KIF13A: variants seen among roughly 807,000 people sequenced by gnomAD.
The protein encoded by KIF13A is kinesin family member 13A.
KIF13A carries 79 observed loss-of-function variants against 212.2 expected under a neutral mutation model. The observed-to-expected ratio is 0.37, with a 90% CI of 0.31 to 0.45. The LOEUF (loss-of-function observed/expected upper bound fraction) is 0.45, where lower values mean the gene tolerates loss of function less well. Among genes scored for constraint, KIF13A ranks in the 20% least tolerant of loss-of-function variants. KIF13A has a pLI of 1.00. For synonymous variants in KIF13A, 789 were observed against 808.6 expected (o/e 0.98, Z 0.41); for missense variants, 1,901 against 2,209.0 (o/e 0.86, Z 2.79).
Position 17,886,003 on chromosome 6 carries a change from G to A in KIF13A, c.159+12165C>T, listed in dbSNP as rs1771508679. Among the ~76,000 whole-genome samples the A allele has an allele frequency of 6.6e-6, 1 of 152,188 alleles. No individual in the cohort carries two copies. The highest frequency in any genetic ancestry group is 2.1e-4 in the South Asian group (1 of 4,836). ...CTTCTTCAACAGCACATTCAAAGGT[G>A]ATGTGGATATTTTCAAACACAGAAT... is the stretch of plus-strand genomic sequence containing the variant. On this transcript the variant is annotated intron_variant, in intron 3 of 38. Coordinates refer to ENST00000259711, the MANE Select transcript of KIF13A (RefSeq NM_022113.6). This position sits in a 1 kb window ranked among gnomAD's most constrained non-coding sequence, Gnocchi z 5.6.
Position 17,775,008 on chromosome 6 carries a change from T to A in KIF13A, c.4218+7A>T, listed in dbSNP as rs376404952. On this transcript the variant is annotated splice_region_variant and intron_variant, in intron 35 of 38. Coordinates refer to ENST00000259711, the MANE Select transcript of KIF13A (RefSeq NM_022113.6). Reference sequence around the variant, plus strand: ...CTAAAAACCTAGCCATGCCCATAGGTGCATACCTTGTCATCTTCATCAAAG... The same window carrying A: ...CTAAAAACCTAGCCATGCCCATAGGAGCATACCTTGTCATCTTCATCAAAG... The A allele has an allele frequency of 2.3e-5, 37 of 1,608,146 alleles. No homozygotes were observed. In the African/African-American group the frequency reaches 4.9e-4, roughly 22 times the overall value.
intron 2 of KIF13A, among the ~76,000 whole-genome samples, chr6:17,942,205 G>C (rs2150556551): frequency 6.6e-6 from 1 of 152,112 alleles, no homozygotes; most frequent in Non-Finnish European, 1.5e-5. Flanking sequence ...GGGAGGCTGA[G>C]GTAGGAGGAT....
At chr6:17,765,020 T>G in intron 38 of KIF13A, 74 bp from the exon 39 acceptor site, 2 of 1,202,390 alleles carry the variant, frequency 1.7e-6, no homozygotes, top group East Asian at 5.0e-5. Flanking sequence ...TTTAAATACT[T>G]GGCTGTTAAA....
chr6:17,821,963 G>A (rs1764495863), intron 16 of KIF13A: 1 of 1,527,402 alleles, frequency 6.5e-7, no homozygotes, highest in African/African-American at 1.4e-5. Flanking sequence ...ATCAGCACTT[G>A]CATCAGAGAC....
intron 3 of KIF13A, among the ~76,000 whole-genome samples, chr6:17,874,350 T>G (rs1025309871): frequency 4.6e-5 from 7 of 152,008 alleles, no homozygotes; most frequent in African/African-American, 1.7e-4. Context: ...AAAGTAAAGA[T>G]GTGAAGCAAC....
At chr6:17,805,357 A>G in intron 19 of KIF13A, 118 bp downstream of exon 19, 1 of 864,842 alleles carries the variant, frequency 1.2e-6, no homozygotes, top group East Asian at 2.5e-5. Flanking sequence ...CTAACGTATC[A>G]TGAGCACATC....
rs11271505 is a variant in KIF13A at position 17,782,633 on chromosome 6, TCAAAACAAAACAAAA to T, written c.3544+998_3544+1012del. 3.3e-5 allele frequency among the ~76,000 whole-genome samples: 5 copies of T among 149,884 alleles called. No individual in the cohort carries two copies. In the East Asian group the frequency reaches 5.9e-4, roughly 18 times the overall value. On this transcript the variant is annotated intron_variant, in intron 29 of 38. Transcript: ENST00000259711. ...CTGGGTGACAGAGTGAGACTCTGTC[TCAAAACAAAACAAAA>T]CAAAACAAAACAAAACAAATCTTAG... is the stretch of plus-strand genomic sequence containing the variant.
intron 9 of KIF13A, among the ~76,000 whole-genome samples, chr6:17,848,872 T>C (rs1201752477): frequency 6.6e-6 from 1 of 152,154 alleles, no homozygotes; most frequent in Non-Finnish European, 1.5e-5. Flanking sequence ...CCTTCCAAAA[T>C]GCTGGAATTA....
intron 22 of KIF13A, among the ~76,000 whole-genome samples, chr6:17,797,875 G>C (rs895636121): frequency 6.6e-6 from 1 of 152,142 alleles, no homozygotes; most frequent in Admixed American, 6.6e-5. Context: ...TCCAGCCTGG[G>C]CAACAGAGTG....
chr6:17,796,554 T>C, intron 23 of KIF13A, 115 bp downstream of exon 23: 1 of 715,046 alleles, frequency 1.4e-6, no homozygotes, highest in South Asian at 5.0e-5. Context: ...TTTTTTTTTT[T>C]TTTTTAAATG....
rs76504247 is a variant in KIF13A at position 17,965,833 on chromosome 6, G to A, written c.146+21221C>T. ...TATTTGCTTGTAAAATTAAAAAGACGTACAATCTTTATTTATTTCTCAAAT... is the reference window on the plus strand; with the variant it reads ...TATTTGCTTGTAAAATTAAAAAGACATACAATCTTTATTTATTTCTCAAAT... On this transcript the variant is annotated intron_variant, in intron 2 of 38. Transcript: ENST00000259711. Among the ~76,000 whole-genome samples, 118 of 152,256 alleles carry A rather than the reference G, an allele frequency of 7.8e-4. 1 individual carries two copies. The East Asian group carries it at 0.02, about 26-fold the overall frequency.
rs1779491146 is a variant in KIF13A, at chr6:17,968,192, A to G, written c.146+18862T>C. ...GGCCAATTAGGAACCAGAGAACGAG[A>G]AGAACCCAGAGATCCCCGCTTACTC... On this transcript the variant is annotated intron_variant, in intron 2 of 38. Transcript: ENST00000259711. This position sits in a 1 kb window ranked among gnomAD's most constrained non-coding sequence, Gnocchi z 4.7. 6.6e-6 allele frequency among the ~76,000 whole-genome samples: 1 copy of G among 152,166 alleles called. No individual in the cohort carries two copies. The highest frequency in any genetic ancestry group is 2.4e-5 in the African/African-American group (1 of 41,424).
intron 11 of KIF13A, 56 bp downstream of exon 11, chr6:17,836,822 G>T: frequency 6.6e-7 from 1 of 1,522,918 alleles, no homozygotes; most frequent in Non-Finnish European, 9.1e-7. Context: ...ACCCTTGCCA[G>T]TCAAATCCCG....
At position 17,856,251 on chromosome 6, in the gene KIF13A, A is replaced by C; in HGVS notation, c.221-129T>G. 2 of 636,962 alleles carry C rather than the reference A, an allele frequency of 3.1e-6. No homozygotes were observed. Among genetic ancestry groups the C allele is most frequent in the Non-Finnish European group, 5.5e-6 (2 of 362,808 alleles). 39.5% of individuals were successfully genotyped at this position (636,962 alleles called of 1,614,324 possible). A position where few individuals can be genotyped will look rare whatever the true frequency, so the allele number is the denominator to read the frequency against. Reference sequence around the variant, plus strand: ...GTAGTACCGAGTGCCCACTAAGTACAGGGCTGTGTATTAAGAGCTTGATAT... The same window carrying C: ...GTAGTACCGAGTGCCCACTAAGTACCGGGCTGTGTATTAAGAGCTTGATAT... On this transcript the variant is annotated intron_variant, in intron 4 of 38. Coordinates refer to ENST00000259711, the MANE Select transcript of KIF13A (RefSeq NM_022113.6). The surrounding 1 kb of genome is among the most constrained non-coding windows in gnomAD (Gnocchi z 4.5).
At chr6:17,806,996 C>T (rs1763021665) in intron 18 of KIF13A, among the ~76,000 whole-genome samples, 1 of 152,160 alleles carries the variant, frequency 6.6e-6, no homozygotes, top group South Asian at 2.1e-4. Context: ...CCAAATAATA[C>T]TTTTATAATT....
In KIF13A at chr6:17,779,096, T is replaced by C; in HGVS notation, c.3943A>G (p.Thr1315Ala). The C allele has an allele frequency of 1.2e-6, 2 of 1,613,350 alleles. No individual in the cohort carries two copies. Among genetic ancestry groups the C allele is most frequent in the Non-Finnish European group, 1.7e-6 (2 of 1,179,506 alleles). Residue 1315 changes from threonine to alanine, a missense_variant, in exon 33 of 39, where the codon ACT becomes GCT. Around this residue, in one of 5 missense-constraint regions of KIF13A, gnomAD observed 687 missense variants for 759.1 expected, o/e 0.90. Transcript: ENST00000259711. Reference protein sequence around the residue: ...YEIVSNIPKATEEIEDRETLA... With the variant: ...YEIVSNIPKAAEEIEDRETLA... ...GTTTCCCGGTCCTCTATCTCCTCAG[T>C]TGCCTACGAGGACAGGAAGGAAGTG...
At position 17,888,024 on chromosome 6, in the gene KIF13A, T is replaced by C. The variant is rs1268256243; in HGVS notation, c.159+10144A>G. Among the ~76,000 whole-genome samples, 1 of 151,954 alleles carries C rather than the reference T, an allele frequency of 6.6e-6. No homozygotes were observed. The highest frequency in any genetic ancestry group is 1.5e-5 in the Non-Finnish European group (1 of 67,972). On this transcript the variant is annotated intron_variant, in intron 3 of 38. Transcript: ENST00000259711. This position sits in a 1 kb window ranked among gnomAD's most constrained non-coding sequence, Gnocchi z 4.8. Reference sequence around the variant, plus strand: ...CCCAGCCCCTGCATCTTGATTCTTATCCTAAATTTCTGCACTTTGACACCC... The same window carrying C: ...CCCAGCCCCTGCATCTTGATTCTTACCCTAAATTTCTGCACTTTGACACCC...
At position 17,768,754 on chromosome 6, in the gene KIF13A, A is replaced by G. The variant is rs1237355663; in HGVS notation, c.4581+2360T>C. ...TCTGTAAACCAGAGGAATAAACCACATGCTGTCTATGCAAGACCTAACGGA... is the reference window on the plus strand; with the variant it reads ...TCTGTAAACCAGAGGAATAAACCACGTGCTGTCTATGCAAGACCTAACGGA... On this transcript the variant is annotated intron_variant, in intron 38 of 38. Transcript: ENST00000259711. The surrounding 1 kb of genome is among the most constrained non-coding windows in gnomAD (Gnocchi z 5.4). 1.3e-5 allele frequency among the ~76,000 whole-genome samples: 2 copies of G among 152,210 alleles called. No homozygotes were observed. Among genetic ancestry groups the G allele is most frequent in the African/African-American group, 4.8e-5 (2 of 41,452 alleles).
At chr6:17,790,369 C>T (rs1311029565) in intron 25 of KIF13A, among the ~76,000 whole-genome samples, 1 of 152,122 alleles carries the variant, frequency 6.6e-6, no homozygotes, top group Admixed American at 6.5e-5. Context: ...TACACCACTC[C>T]ACCTCAGCCT....
Sources: gnomAD v4.1 joint callset for allele counts (sites outside exome capture counted in the v4.1 genomes callset) on GRCh38, gnomAD v4.1.1 for gene constraint, gnomAD v4.1.1 regional missense constraint, Gnocchi (gnomAD v3.1) non-coding constraint, MANE v1.5 for transcripts, NCBI Gene and HGNC (gene_info 2026-07-23, HGNC 2026-07-21) for gene names.